Variants in KLRG1 observed in about 807,000 individuals in gnomAD.
KLRG1 encodes killer cell lectin like receptor G1, also known as killer cell lectin-like receptor subfamily G member 1.
In KLRG1, 16 loss-of-function variants were observed where a neutral mutation model predicts 21.8. The ratio of observed to expected loss-of-function variants is 0.73; its 90% CI spans 0.50 to 1.11. KLRG1 has a LOEUF of 1.11. Ranked by LOEUF, KLRG1 falls within the 50% of genes most tolerant of loss-of-function variation. The probability of loss-of-function intolerance (pLI) is 0.00; values close to 1 mark genes in which losing one functional copy is unlikely to be tolerated. For synonymous variants in KLRG1, 69 were observed against 75.9 expected (o/e 0.91, Z 0.47); for missense variants, 173 against 218.3 (o/e 0.79, Z 1.31).
intron 3 of KLRG1, among the ~76,000 whole-genome samples, chr12:8,997,490 A>C (rs1947168332): frequency 6.6e-6 from 1 of 152,210 alleles, no homozygotes; most frequent in South Asian, 2.1e-4. Context: ...AGCCACTACC[A>C]AAAAAGCAAG....
chr12:9,117,374 T>C, the KLRG1 span, among the ~76,000 whole-genome samples: 3 of 152,142 alleles, frequency 2.0e-5, no homozygotes, highest in African/African-American at 7.2e-5. Context: ...TGTAATAATA[T>C]AGGTGAAAGC....
At chr12:9,099,836 A>C in the KLRG1 span, among the ~76,000 whole-genome samples, 2 of 152,218 alleles carry the variant, frequency 1.3e-5, no homozygotes, top group African/African-American at 4.8e-5. Flanking sequence ...TGAAGTTATG[A>C]GATGTAAGAG....
At chr12:9,151,485 C>T in the KLRG1 span, 4 of 725,008 alleles carry the variant, frequency 5.5e-6, no homozygotes, top group Non-Finnish European at 9.0e-6. Flanking sequence ...AATAGATAAA[C>T]CTTTCTGGAA....
At chr12:9,150,077 C>T in the KLRG1 span, among the ~76,000 whole-genome samples, 1 of 152,186 alleles carries the variant, frequency 6.6e-6, no homozygotes, top group African/African-American at 2.4e-5. Flanking sequence ...TTTTGCCTCT[C>T]AAACTTATTG....
At chr12:9,183,962 G>A in the KLRG1 span, among the ~76,000 whole-genome samples, 1 of 152,086 alleles carries the variant, frequency 6.6e-6, no homozygotes, top group Non-Finnish European at 1.5e-5. Context: ...ACCTCAAAAA[G>A]GAAATAAGCT....
At chr12:9,102,370 C>A in the KLRG1 span, among the ~76,000 whole-genome samples, 1 of 152,000 alleles carries the variant, frequency 6.6e-6, no homozygotes, top group African/African-American at 2.4e-5. Flanking sequence ...GCATGCCACC[C>A]CACCCAGCTA....
the KLRG1 span, among the ~76,000 whole-genome samples, chr12:9,062,848 A>G: frequency 1.3e-5 from 2 of 151,158 alleles, no homozygotes; most frequent in Admixed American, 1.3e-4. Flanking sequence ...TATCAGATAT[A>G]TTATACATTT....
the KLRG1 span, among the ~76,000 whole-genome samples, chr12:9,199,113 C>T: frequency 6.6e-6 from 1 of 152,130 alleles, no homozygotes; most frequent in African/African-American, 2.4e-5. Flanking sequence ...AGAGAAGCAG[C>T]AGAATGCCTA....
the KLRG1 span, chr12:9,072,362 A>T: frequency 6.2e-7 from 1 of 1,613,846 alleles, no homozygotes; most frequent in Non-Finnish European, 8.5e-7. Context: ...GTCTTACCTG[A>T]CACTTAGGGA....
intron 3 of KLRG1, among the ~76,000 whole-genome samples, chr12:8,999,379 A>G (rs1947238596): frequency 6.6e-6 from 1 of 152,154 alleles, no homozygotes; most frequent in South Asian, 2.1e-4. Context: ...GCCCTATAAT[A>G]TCTCTCTTCC....
the KLRG1 span, chr12:9,109,908 G>T: frequency 6.2e-7 from 1 of 1,612,998 alleles, no homozygotes. Context: ...CCTTCCACCT[G>T]ATTTCTTCTG....
downstream of KLRG1, among the ~76,000 whole-genome samples, chr12:9,015,435 A>T (rs1947686142): frequency 6.6e-6 from 1 of 152,204 alleles, no homozygotes; most frequent in Admixed American, 6.5e-5. Context: ...TATGATAAAG[A>T]TGTCAATTCA....
chr12:8,975,418 A>G (rs956036131), intron 1 of KLRG1, among the ~76,000 whole-genome samples: 1 of 151,968 alleles, frequency 6.6e-6, no homozygotes, highest in African/African-American at 2.4e-5. Flanking sequence ...AAATGTATCC[A>G]TTTCTTGTAG....
chr12:9,118,806 C>T, the KLRG1 span, among the ~76,000 whole-genome samples: 1 of 152,208 alleles, frequency 6.6e-6, no homozygotes, highest in Non-Finnish European at 1.5e-5. Context: ...CTGAATGCCA[C>T]TAGCTTGATG....
the KLRG1 span, among the ~76,000 whole-genome samples, chr12:9,041,576 G>C: frequency 6.6e-6 from 1 of 152,174 alleles, no homozygotes; most frequent in Non-Finnish European, 1.5e-5. Flanking sequence ...GGAGAGCTAG[G>C]TTATAGAAGC....
chr12:9,110,752 AG>A, the KLRG1 span, among the ~76,000 whole-genome samples: 1 of 152,156 alleles, frequency 6.6e-6, no homozygotes, highest in Non-Finnish European at 1.5e-5. Context: ...AGTTTCATAT[AG>A]AATAATTCCC....
At chr12:9,104,387 T>C in the KLRG1 span, 1 of 1,589,554 alleles carries the variant, frequency 6.3e-7, no homozygotes. Context: ...GCCTTTCCCA[T>C]CTACTAGGCG....
At chr12:9,153,237 G>A in the KLRG1 span, 24 of 1,614,078 alleles carry the variant, frequency 1.5e-5, no homozygotes, top group African/African-American at 2.4e-4. Context: ...TTGGAAATTT[G>A]TAGAAAAGGT....
At chr12:9,074,649 G>A in the KLRG1 span, 1 of 1,613,950 alleles carries the variant, frequency 6.2e-7, no homozygotes, top group East Asian at 2.2e-5. Flanking sequence ...TCCGAGGTTG[G>A]GGCTGGCTGG....
Sources: allele counts gnomAD v4.1 joint callset (sites outside exome capture counted in the v4.1 genomes callset), GRCh38; gene constraint gnomAD v4.1.1; transcripts MANE v1.5; gene names NCBI Gene and HGNC (gene_info 2026-07-23, HGNC 2026-07-21).